The following TENM2 variants were observed in gnomAD, a reference collection of about 807,000 sequenced individuals.
The protein encoded by TENM2 is teneurin-2.
Under a neutral mutation model 245.2 loss-of-function variants are expected in TENM2, and 52 were observed. That is an observed-to-expected ratio of 0.21 (90% CI 0.17 to 0.27). TENM2 has a LOEUF of 0.27. Ranked by LOEUF, TENM2 falls within the 10% of genes least tolerant of loss-of-function variation. The pLI is 1.00. For missense variants in TENM2, 3,046 were observed against 3,666.8 expected, an observed-to-expected ratio of 0.83 and a Z score of 4.37; for synonymous variants, 1,363 against 1,438.9, an observed-to-expected ratio of 0.95 and a Z score of 1.19.
chr5:167,945,379 T>C (rs753683040), intron 3 of TENM2, among the ~76,000 whole-genome samples: 2 of 152,174 alleles, frequency 1.3e-5, no homozygotes, highest in Non-Finnish European at 2.9e-5. Context: ...AGAATTATGT[T>C]ACTTAACCTC....
chr5:167,190,218 C>A, the TENM2 span, among the ~76,000 whole-genome samples: 1 of 152,046 alleles, frequency 6.6e-6, no homozygotes, highest in Non-Finnish European at 1.5e-5. Flanking sequence ...ATGGTTTCCC[C>A]AGTCTAATGT....
At chr5:167,132,391 A>G in the TENM2 span, among the ~76,000 whole-genome samples, 1 of 152,124 alleles carries the variant, frequency 6.6e-6, no homozygotes, top group Non-Finnish European at 1.5e-5. Flanking sequence ...ACACGGTGGC[A>G]TTTGTGCATC....
intron 7 of TENM2, among the ~76,000 whole-genome samples, chr5:168,070,844 AAG>A (rs1459772220): frequency 6.6e-6 from 1 of 150,836 alleles, no homozygotes; most frequent in Non-Finnish European, 1.5e-5. Context: ...GAAAAAGAAA[AAG>A]AGAGGAAGGA....
intron 2 of TENM2, among the ~76,000 whole-genome samples, chr5:167,830,028 G>A (rs1386395616): frequency 1.3e-5 from 2 of 152,190 alleles, no homozygotes; most frequent in African/African-American, 4.8e-5. Context: ...CATATTGGGG[G>A]ACTGGAAAAA....
intron 2 of TENM2, among the ~76,000 whole-genome samples, chr5:167,721,589 T>C (rs28454611): frequency 0.011 from 1,695 of 152,310 alleles, 28 homozygotes; most frequent in African/African-American, 0.039. Flanking sequence ...AGCCTCTCTT[T>C]GAGCCTGCTT....
At chr5:168,129,035 G>T (rs930303847) in intron 12 of TENM2, 9 of 152,066 alleles carry the variant, frequency 5.9e-5, no homozygotes, top group African/African-American at 2.2e-4. Context: ...AGCAAGGCAG[G>T]TCCACACCCC....
chr5:167,631,065 G>A (rs775876634), intron 2 of TENM2, among the ~76,000 whole-genome samples: 5 of 152,058 alleles, frequency 3.3e-5, no homozygotes, highest in Non-Finnish European at 5.9e-5. Flanking sequence ...CGATATGCTT[G>A]TGCCTTTGGG....
intron 2 of TENM2, among the ~76,000 whole-genome samples, chr5:167,827,440 T>C (rs1319663465): frequency 6.6e-6 from 1 of 152,146 alleles, no homozygotes; most frequent in Non-Finnish European, 1.5e-5. Flanking sequence ...AGTCATTCTG[T>C]GGTGATTAAC....
At chr5:167,300,787 G>C (rs1755263786) in intron 1 of TENM2, among the ~76,000 whole-genome samples, 2 of 152,062 alleles carry the variant, frequency 1.3e-5, no homozygotes, top group Admixed American at 1.3e-4. Flanking sequence ...TGAACTGAGG[G>C]AAAAGGCAGC....
chr5:167,725,235 A>C (rs1038320726), intron 2 of TENM2, among the ~76,000 whole-genome samples: 1 of 152,112 alleles, frequency 6.6e-6, no homozygotes, highest in African/African-American at 2.4e-5. Context: ...AACTCCTATG[A>C]TATGGTGTAA....
At chr5:167,440,536 A>G (rs748544644) in intron 2 of TENM2, among the ~76,000 whole-genome samples, 12 of 151,886 alleles carry the variant, frequency 7.9e-5, no homozygotes, top group Non-Finnish European at 1.5e-4. Flanking sequence ...CATATATATA[A>G]TGTCCATAAT....
chr5:168,058,895 A>G (rs1431441877), intron 6 of TENM2, among the ~76,000 whole-genome samples: 2 of 152,132 alleles, frequency 1.3e-5, no homozygotes, highest in Non-Finnish European at 2.9e-5. Flanking sequence ...CCTCCAAGGC[A>G]GTTAGAACTA....
chr5:167,297,861 G>A (rs887063895), intron 1 of TENM2, among the ~76,000 whole-genome samples: 21 of 152,102 alleles, frequency 1.4e-4, no homozygotes, highest in Non-Finnish European at 2.1e-4. Context: ...GGGAGCTTTT[G>A]AGCCAGGATG....
the TENM2 span, among the ~76,000 whole-genome samples, chr5:167,124,854 G>T: frequency 1.3e-5 from 2 of 152,104 alleles, no homozygotes; most frequent in Non-Finnish European, 2.9e-5. Flanking sequence ...TTCATTATTT[G>T]TAAGATCTAA....
At position 168,247,823 on chromosome 5, in the gene TENM2, G is replaced by A. The variant is rs758497639; in HGVS notation, c.6884G>A (p.Gly2295Glu). 6.2e-7 allele frequency: 1 copy of A among 1,613,988 alleles called. No individual in the cohort carries two copies. The highest frequency in any genetic ancestry group is 1.1e-5 in the South Asian group (1 of 91,082). ...ACAAGAGCCTACAACAAGGCCAGCG[G>A]GTGGAGTGTCCAGTACCGCTATGAT... The change falls in exon 27 of 29, where the codon GGG (glycine) becomes GAG (glutamate). Residue 2295 changes from glycine (G) to glutamate (E), a missense_variant. Gly to Glu is a moderately conservative substitution (Grantham distance 98). Coordinates refer to ENST00000518659, the Ensembl canonical transcript of TENM2. This position sits in a 1 kb window ranked among gnomAD's most constrained non-coding sequence, Gnocchi z 7.8.
At chr5:167,169,466 G>C in the TENM2 span, among the ~76,000 whole-genome samples, 1 of 152,164 alleles carries the variant, frequency 6.6e-6, no homozygotes, top group Non-Finnish European at 1.5e-5. Context: ...CCACTGATGT[G>C]TGATCTCTTG....
At chr5:167,365,612 G>A (rs1438404542) in intron 1 of TENM2, among the ~76,000 whole-genome samples, 2 of 151,934 alleles carry the variant, frequency 1.3e-5, no homozygotes, top group Admixed American at 6.6e-5. Flanking sequence ...ATAAATGTTT[G>A]TGAAATTGAC....
chr5:167,218,354 A>AT, the TENM2 span, among the ~76,000 whole-genome samples: 27 of 152,122 alleles, frequency 1.8e-4, no homozygotes, highest in African/African-American at 6.3e-4. Context: ...GAGAGCGGGA[A>AT]TTTTTTTAAT....
At chr5:167,898,771 G>A (rs1350466496) in intron 3 of TENM2, among the ~76,000 whole-genome samples, 1 of 152,196 alleles carries the variant, frequency 6.6e-6, no homozygotes, top group Non-Finnish European at 1.5e-5. Context: ...CTGGATGAAT[G>A]TGGAGGGAAA....
Sources: allele counts gnomAD v4.1 joint callset (sites outside exome capture counted in the v4.1 genomes callset), GRCh38; gene constraint gnomAD v4.1.1; non-coding constraint Gnocchi (gnomAD v3.1); transcripts MANE v1.5; gene names NCBI Gene and HGNC (gene_info 2026-07-23, HGNC 2026-07-21).